Variants in RAD51B observed in about 807,000 individuals in gnomAD.
RAD51B encodes RAD51 paralog B, also known as DNA repair protein RAD51 homolog 2.
A neutral mutation model predicts 42.2 loss-of-function variants in RAD51B; 38 were observed. The ratio of observed to expected loss-of-function variants is 0.90; its 90% CI spans 0.70 to 1.18. The LOEUF is 1.18. Ranked by LOEUF, RAD51B falls within the 50% of genes most tolerant of loss-of-function variation. The pLI, the probability that RAD51B is intolerant of heterozygous loss-of-function variation, is 0.00. For synonymous variants in RAD51B, 154 were observed against 145.2 expected (o/e 1.06, Z -0.43); for missense variants, 373 against 400.7 (o/e 0.93, Z 0.59).
At chr14:68,285,025 T>C (rs374454531) in intron 7 of RAD51B, among the ~76,000 whole-genome samples, 3 of 152,276 alleles carry the variant, frequency 2.0e-5, no homozygotes, top group South Asian at 4.1e-4. Flanking sequence ...TCTTTCTTCC[T>C]CTTGTCTCCT....
chr14:68,220,116 C>G (rs1002878930), intron 7 of RAD51B, among the ~76,000 whole-genome samples: 2 of 152,020 alleles, frequency 1.3e-5, no homozygotes, highest in African/African-American at 4.8e-5. Flanking sequence ...TCAAATTAAC[C>G]CAATCCATCA....
At chr14:68,159,894 A>T (rs2078600861) in intron 7 of RAD51B, among the ~76,000 whole-genome samples, 1 of 152,138 alleles carries the variant, frequency 6.6e-6, no homozygotes, top group South Asian at 2.1e-4. Context: ...TTATGCTTCA[A>T]TGGGCTTGTC....
intron 10 of RAD51B, among the ~76,000 whole-genome samples, chr14:68,554,624 G>C (rs1001669758): frequency 2.0e-5 from 3 of 152,032 alleles, no homozygotes; most frequent in Non-Finnish European, 4.4e-5. Context: ...TTCCTTTCCT[G>C]CTCTTTATTT....
chr14:68,304,377 G>T (rs1487305542), intron 8 of RAD51B, among the ~76,000 whole-genome samples: 1 of 152,110 alleles, frequency 6.6e-6, no homozygotes, highest in Admixed American at 6.6e-5. Context: ...GCTGATGATC[G>T]CATAACTAGT....
chr14:67,957,882 A>G (rs1237788880), intron 7 of RAD51B, among the ~76,000 whole-genome samples: 2 of 152,240 alleles, frequency 1.3e-5, no homozygotes, highest in South Asian at 2.1e-4. Flanking sequence ...TTTATAGAAT[A>G]CAAAATAGTC....
At chr14:68,432,424 T>G (rs2085033774) in intron 9 of RAD51B, among the ~76,000 whole-genome samples, 1 of 152,248 alleles carries the variant, frequency 6.6e-6, no homozygotes, top group Non-Finnish European at 1.5e-5. Flanking sequence ...GCTTTATGAA[T>G]CTGGGTGCTC....
At chr14:68,133,180 A>C (rs2140686581) in intron 7 of RAD51B, among the ~76,000 whole-genome samples, 1 of 152,304 alleles carries the variant, frequency 6.6e-6, no homozygotes, top group East Asian at 1.9e-4. Flanking sequence ...GAAGAACTTG[A>C]AGTTCTTTCC....
At chr14:67,863,129 CAT>C (rs1461514167) in intron 4 of RAD51B, among the ~76,000 whole-genome samples, 1 of 147,440 alleles carries the variant, frequency 6.8e-6, no homozygotes, top group African/African-American at 2.5e-5. Context: ...TATAAACCAG[CAT>C]ATAGTTTTAA....
At chr14:68,557,645 G>A (rs947288016) in intron 10 of RAD51B, among the ~76,000 whole-genome samples, 1 of 152,236 alleles carries the variant, frequency 6.6e-6, no homozygotes, top group South Asian at 2.1e-4. Flanking sequence ...GAAGGGGCTG[G>A]TAGGGGAAAG....
intron 7 of RAD51B, among the ~76,000 whole-genome samples, chr14:67,974,708 A>G (rs2060555712): frequency 6.6e-6 from 1 of 152,178 alleles, no homozygotes; most frequent in Admixed American, 6.5e-5. Context: ...ACTTAGGAAT[A>G]TAAATTGTTT....
intron 4 of RAD51B, among the ~76,000 whole-genome samples, chr14:67,845,130 T>C (rs1279603811): frequency 3.3e-5 from 5 of 152,260 alleles, no homozygotes; most frequent in African/African-American, 1.2e-4. Flanking sequence ...CATGTGGATT[T>C]GATATTGTCA....
intron 9 of RAD51B, among the ~76,000 whole-genome samples, chr14:68,456,444 C>G (rs1184078755): frequency 6.6e-6 from 1 of 152,058 alleles, no homozygotes; most frequent in Non-Finnish European, 1.5e-5. Context: ...ATGCTACTAT[C>G]AGACAGATTA....
At chr14:68,156,355 G>A (rs2078504928) in intron 7 of RAD51B, among the ~76,000 whole-genome samples, 1 of 151,654 alleles carries the variant, frequency 6.6e-6, no homozygotes, top group Non-Finnish European at 1.5e-5. Flanking sequence ...GTTATTCCTA[G>A]TTTTTTATGC....
intron 7 of RAD51B, among the ~76,000 whole-genome samples, chr14:68,083,633 T>C (rs1443218493): frequency 6.6e-6 from 1 of 152,168 alleles, no homozygotes; most frequent in East Asian, 1.9e-4. Context: ...TGATATATAT[T>C]AGCATTGGTT....
At chr14:68,212,420 A>T (rs1304237491) in intron 7 of RAD51B, among the ~76,000 whole-genome samples, 1 of 152,240 alleles carries the variant, frequency 6.6e-6, no homozygotes, top group Non-Finnish European at 1.5e-5. Context: ...TAGAGCTGTT[A>T]GCAGCAGCAA....
At chr14:67,914,322 A>G (rs1410174912) in intron 7 of RAD51B, among the ~76,000 whole-genome samples, 1 of 152,114 alleles carries the variant, frequency 6.6e-6, no homozygotes, top group Non-Finnish European at 1.5e-5. Context: ...AAGTGAGAAC[A>G]TGTGAAGTTT....
At chr14:68,564,468 GAGA>G (rs1483438834) in intron 10 of RAD51B, among the ~76,000 whole-genome samples, 1 of 152,222 alleles carries the variant, frequency 6.6e-6, no homozygotes, top group Non-Finnish European at 1.5e-5. Flanking sequence ...ACGGGCTTGT[GAGA>G]AGGAGCTGCT....
intron 10 of RAD51B, among the ~76,000 whole-genome samples, chr14:68,584,314 T>G (rs1890351338): frequency 1.3e-5 from 2 of 152,200 alleles, no homozygotes; most frequent in South Asian, 2.1e-4. Flanking sequence ...TGGGGCCACA[T>G]AAGCCAATGG....
intron 7 of RAD51B, among the ~76,000 whole-genome samples, chr14:68,056,491 G>A (rs1206600985): frequency 1.3e-5 from 2 of 151,976 alleles, no homozygotes; most frequent in Non-Finnish European, 2.9e-5. Context: ...GCTCATGCCT[G>A]TAGTTCCAGC....
Sources: allele counts gnomAD v4.1 joint callset (sites outside exome capture counted in the v4.1 genomes callset), GRCh38; gene constraint gnomAD v4.1.1; transcripts MANE v1.5; gene names NCBI Gene and HGNC (gene_info 2026-07-23, HGNC 2026-07-21).